The following HIVEP2 variants were observed in gnomAD, a reference collection of about 807,000 sequenced individuals.
HIVEP2 encodes HIVEP zinc finger 2, also known as transcription factor HIVEP2.
Under a neutral mutation model 180.7 loss-of-function variants are expected in HIVEP2, and 14 were observed. The ratio of observed to expected loss-of-function variants is 0.08; its 90% CI spans 0.05 to 0.12. The LOEUF is 0.12. HIVEP2 is among the 10% of genes least tolerant of loss of function. HIVEP2 has a pLI of 1.00. For synonymous variants in HIVEP2, 1,184 were observed against 1,136.4 expected (o/e 1.04, Z -0.84); for missense variants, 2,579 against 3,008.5 (o/e 0.86, Z 3.34).
At chr6:142,902,144 C>T (rs569504020) in intron 1 of HIVEP2, among the ~76,000 whole-genome samples, 1 of 152,258 alleles carries the variant, frequency 6.6e-6, no homozygotes, top group African/African-American at 2.4e-5. Context: ...TGTGGGCTGA[C>T]TTCCAAAGAA....
At chr6:142,808,193 A>G (rs141594021) in intron 2 of HIVEP2, among the ~76,000 whole-genome samples, 1 of 152,350 alleles carries the variant, frequency 6.6e-6, no homozygotes, top group African/African-American at 2.4e-5. Context: ...GGCTTGGCAG[A>G]CTTTCCTTAT....
chr6:142,825,231 T>C (rs62430691), intron 2 of HIVEP2, among the ~76,000 whole-genome samples: 109 of 152,126 alleles, frequency 7.2e-4, no homozygotes, highest in Non-Finnish European at 1.2e-3. Context: ...TTGATTTTCA[T>C]GTTTTAAATA....
chr6:142,861,811 C>T (rs978968350), intron 1 of HIVEP2, among the ~76,000 whole-genome samples: 4 of 152,094 alleles, frequency 2.6e-5, no homozygotes, highest in Non-Finnish European at 5.9e-5. Flanking sequence ...CATTTCAAAG[C>T]GGGCTCCTAA....
intron 8 of HIVEP2, 74 bp downstream of exon 8, chr6:142,761,390 A>T: frequency 1.4e-6 from 1 of 710,320 alleles, no homozygotes; most frequent in Non-Finnish European, 2.5e-6. Flanking sequence ...ATCTAAACTT[A>T]TTTTACTACC....
intron 2 of HIVEP2, among the ~76,000 whole-genome samples, chr6:142,815,793 C>T (rs1165647364): frequency 6.6e-6 from 1 of 152,134 alleles, no homozygotes; most frequent in East Asian, 1.9e-4. Context: ...TCACAAATTG[C>T]TAGTCTTCTG....
At chr6:142,801,437 C>A (rs1383133407) in intron 2 of HIVEP2, among the ~76,000 whole-genome samples, 2 of 149,102 alleles carry the variant, frequency 1.3e-5, no homozygotes, top group Non-Finnish European at 3.0e-5. Context: ...AAAAAAAATT[C>A]TCACTTGAGA....
At chr6:142,860,689 C>A (rs1934848645) in intron 1 of HIVEP2, among the ~76,000 whole-genome samples, 1 of 152,142 alleles carries the variant, frequency 6.6e-6, no homozygotes, top group African/African-American at 2.4e-5. Flanking sequence ...GAATCTCATG[C>A]CACTGCTGAT....
At chr6:142,765,007 C>T in intron 6 of HIVEP2, 33 bp from the exon 7 acceptor site, 2 of 1,573,826 alleles carry the variant, frequency 1.3e-6, no homozygotes, top group Non-Finnish European at 1.7e-6. Context: ...AGTGTGTTTT[C>T]AAATATTCTT....
chr6:142,791,210 C>G (rs528817325), intron 2 of HIVEP2, among the ~76,000 whole-genome samples: 3 of 152,234 alleles, frequency 2.0e-5, no homozygotes, highest in African/African-American at 7.2e-5. Context: ...TGGATACTAT[C>G]TCTCAAGACT....
At chr6:142,936,905 T>C (rs1020262466) in intron 1 of HIVEP2, among the ~76,000 whole-genome samples, 18 of 152,096 alleles carry the variant, frequency 1.2e-4, no homozygotes, top group Admixed American at 5.2e-4. Context: ...GAGCAGGTGC[T>C]TAATAAATCT....
chr6:142,924,648 A>C (rs1203044861), intron 1 of HIVEP2, among the ~76,000 whole-genome samples: 1 of 152,206 alleles, frequency 6.6e-6, no homozygotes, highest in Non-Finnish European at 1.5e-5. Flanking sequence ...CTGCAGTACA[A>C]AAGGTGGAAT....
chr6:142,849,896 G>A (rs1775605670), intron 1 of HIVEP2, among the ~76,000 whole-genome samples: 1 of 152,144 alleles, frequency 6.6e-6, no homozygotes, highest in African/African-American at 2.4e-5. Flanking sequence ...AAGCCTCAAA[G>A]ACTAGGAAGT....
intron 1 of HIVEP2, among the ~76,000 whole-genome samples, chr6:142,944,619 C>T (rs1459755129): frequency 6.6e-6 from 1 of 152,158 alleles, no homozygotes; most frequent in Non-Finnish European, 1.5e-5. Context: ...CCTCGTTAAC[C>T]CCCTTCCTGT....
chr6:142,810,264 T>G (rs1371164725), intron 2 of HIVEP2, among the ~76,000 whole-genome samples: 1 of 152,174 alleles, frequency 6.6e-6, no homozygotes, highest in East Asian at 1.9e-4. Flanking sequence ...TTGATATATT[T>G]TTTTCAATGA....
chr6:142,913,499 G>A (rs1158526909), intron 1 of HIVEP2, among the ~76,000 whole-genome samples: 1 of 152,192 alleles, frequency 6.6e-6, no homozygotes, highest in African/African-American at 2.4e-5. Flanking sequence ...CAGCTTCAAT[G>A]CCATACTTAA....
At chr6:142,939,382 C>T (rs868814768) in intron 1 of HIVEP2, among the ~76,000 whole-genome samples, 2 of 151,894 alleles carry the variant, frequency 1.3e-5, no homozygotes, top group Non-Finnish European at 2.9e-5. Context: ...CACTTTATAG[C>T]ATCACCTCTC....
At chr6:142,944,513 C>T (rs977941551) in intron 1 of HIVEP2, among the ~76,000 whole-genome samples, 1 of 151,994 alleles carries the variant, frequency 6.6e-6, no homozygotes. Context: ...AATGGAAAGG[C>T]GGGGGGTGGG....
intron 1 of HIVEP2, among the ~76,000 whole-genome samples, chr6:142,927,013 G>A (rs1419382236): frequency 2.0e-5 from 3 of 151,232 alleles, no homozygotes; most frequent in Non-Finnish European, 1.5e-5. Flanking sequence ...GCGGCGGCGC[G>A]GCGGCGCGGG....
In HIVEP2 at chr6:142,753,567, C is replaced by A. The variant is rs1276853672; in HGVS notation, c.6881G>T (p.Gly2294Val). The stretch of plus-strand genomic sequence containing the variant: ...AGGAGAGGAGGGAGTGCTAGGTGGA[C>A]CAGATGACTGCAAAGCGTGAGGACC... ...KRGPHALQSS[G>V]PPSTPSSPRL... Residue 2294 changes from glycine to valine, a missense_variant, in exon 10 of 10, where the codon GGT becomes GTT. Physicochemically the swap from Gly to Val is moderately radical, Grantham distance 109. Coordinates refer to ENST00000367603, the MANE Select transcript of HIVEP2 (RefSeq NM_006734.4). 6.2e-7 allele frequency: 1 copy of A among 1,614,180 alleles called. No individual in the cohort carries two copies. The highest frequency in any genetic ancestry group is 1.3e-5 in the African/African-American group (1 of 75,052).
Sources: gnomAD v4.1 joint callset for allele counts (sites outside exome capture counted in the v4.1 genomes callset) on GRCh38, gnomAD v4.1.1 for gene constraint, MANE v1.5 for transcripts, NCBI Gene and HGNC (gene_info 2026-07-23, HGNC 2026-07-21) for gene names.